The following SEC23B variants were observed in gnomAD, a reference collection of about 807,000 sequenced individuals.
The protein encoded by SEC23B is protein transport protein Sec23B.
A neutral mutation model predicts 104.3 loss-of-function variants in SEC23B; 77 were observed. That is an observed-to-expected ratio of 0.74 (90% CI 0.61 to 0.89). The LOEUF (loss-of-function observed/expected upper bound fraction) is 0.89, where lower values mean the gene tolerates loss of function less well. SEC23B is among the 40% of genes least tolerant of loss of function. The probability of loss-of-function intolerance (pLI) is 0.00; values close to 1 mark genes in which losing one functional copy is unlikely to be tolerated. For missense variants in SEC23B, 885 were observed against 949.4 expected, an observed-to-expected ratio of 0.93 and a Z score of 0.89; for synonymous variants, 338 against 332.5, an observed-to-expected ratio of 1.02 and a Z score of -0.18.
At position 18,525,024 on chromosome 20, in the gene SEC23B, A is replaced by G; in HGVS notation, c.689+4A>G. 6.2e-7 allele frequency: 1 copy of G among 1,613,864 alleles called. No individual in the cohort carries two copies. Among genetic ancestry groups the G allele is most frequent in the South Asian group, 1.1e-5 (1 of 91,080 alleles). On this transcript the variant is annotated splice_donor_region_variant and intron_variant, in intron 6 of 19. Transcript: ENST00000650089. ...AGCACCCTTTTGCTTCAAGCAGGTG[A>G]GAGCCCAACATGGAGTGTTACACGT...
rs2060017864 is a variant in SEC23B, at chr20:18,515,638, CCTT to C, written c.280-8_280-6del. 6.5e-7 allele frequency: 1 copy of C among 1,544,870 alleles called. No individual in the cohort carries two copies. ...TATGCCAACCCTAATAAAACTGTTT[CCTT>C]CTTTTCAGTTTCCTCCAGCTTATGG... On this transcript the variant is annotated splice_polypyrimidine_tract_variant and intron_variant, in intron 3 of 19. Transcript: ENST00000650089.
intron 4 of SEC23B, among the ~76,000 whole-genome samples, chr20:18,519,061 A>C (rs939318685): frequency 6.6e-6 from 1 of 152,200 alleles, no homozygotes; most frequent in Non-Finnish European, 1.5e-5. Context: ...GGTAGCCTCA[A>C]TGATAGATGT....
chr20:18,538,449 T>C (rs2060257160), intron 12 of SEC23B, among the ~76,000 whole-genome samples: 1 of 151,846 alleles, frequency 6.6e-6, no homozygotes, highest in East Asian at 1.9e-4. Flanking sequence ...GAGACGGGGT[T>C]TCACCCTGTT....
At chr20:18,527,746 C>G in intron 9 of SEC23B, 135 bp downstream of exon 9, 2 of 762,410 alleles carry the variant, frequency 2.6e-6, no homozygotes, top group South Asian at 2.7e-5. Flanking sequence ...GTTTCAGTGA[C>G]TGGGGAGGGC....
chr20:18,513,721 T>C (rs2060001071), intron 3 of SEC23B, among the ~76,000 whole-genome samples: 1 of 152,230 alleles, frequency 6.6e-6, no homozygotes, highest in African/African-American at 2.4e-5. Flanking sequence ...GATTCAGAAG[T>C]ATATAGAAAT....
intron 2 of SEC23B, among the ~76,000 whole-genome samples, chr20:18,511,422 G>A (rs1293007109): frequency 6.6e-6 from 1 of 152,038 alleles, no homozygotes; most frequent in East Asian, 1.9e-4. Context: ...GTCTTCTCAT[G>A]CTTCCCGGGT....
At chr20:18,538,900 TC>T (rs2060261040) in intron 12 of SEC23B, among the ~76,000 whole-genome samples, 1 of 152,060 alleles carries the variant, frequency 6.6e-6, no homozygotes, top group South Asian at 2.1e-4. Context: ...ATCCGCTTCT[TC>T]ATCTTTTTAA....
rs1035499828 is a variant in SEC23B, at chr20:18,546,045, A to G, written c.1743+12A>G. The G allele has an allele frequency of 2.2e-6, 3 of 1,350,786 alleles. No individual in the cohort carries two copies. The highest frequency in any genetic ancestry group is 1.7e-5 in the Admixed American group (1 of 59,622). The allele number at this position is 1,350,786 out of a possible 1,614,324, so 83.7% of individuals were successfully genotyped here. A position where few individuals can be genotyped will look rare whatever the true frequency, so the allele number is the denominator to read the frequency against. On this transcript the variant is annotated intron_variant, in intron 15 of 19. Coordinates refer to ENST00000650089, the MANE Select transcript of SEC23B (RefSeq NM_006363.6). ...CTCTATATCCTCAGGTAAGTAATGT[A>G]TGTTTCTAAAATAACTACAGAGCAA...
rs1405641474 is a variant in SEC23B, at chr20:18,554,396, T to C, written c.2148+6T>C. The C allele has an allele frequency of 2.5e-6, 4 of 1,614,138 alleles. No individual in the cohort carries two copies. The highest frequency in any genetic ancestry group is 1.6e-4 in the Middle Eastern group (1 of 6,062). On this transcript the variant is annotated splice_donor_region_variant and intron_variant, in intron 18 of 19. Transcript: ENST00000650089. ...CGGAGCATGGAGGCAGTCAGGTGAG[T>C]GAGCTGAGTTCTAACTCCAGTGGTT...
chr20:18,519,406 T>A (rs182062079), intron 4 of SEC23B, among the ~76,000 whole-genome samples: 2 of 152,282 alleles, frequency 1.3e-5, no homozygotes, highest in African/African-American at 4.8e-5. Flanking sequence ...ATGAGAACTG[T>A]AGAGAGTGAG....
intron 17 of SEC23B, 29 bp downstream of exon 17, chr20:18,551,204 T>G: frequency 1.6e-6 from 2 of 1,268,624 alleles, no homozygotes; most frequent in South Asian, 1.2e-5. Flanking sequence ...TTAATTAATT[T>G]CTTTTTGTTT....
At chr20:18,530,912 G>T (rs929489862) in intron 10 of SEC23B, 109 bp downstream of exon 10, 2 of 825,418 alleles carry the variant, frequency 2.4e-6, no homozygotes, top group African/African-American at 3.4e-5. Context: ...AAAGTGCTGG[G>T]ATTATGAGGC....
intron 4 of SEC23B, among the ~76,000 whole-genome samples, chr20:18,518,593 T>G (rs1233233342): frequency 1.5e-5 from 2 of 137,530 alleles, no homozygotes; most frequent in African/African-American, 2.6e-5. Flanking sequence ...TTTTTTTTTT[T>G]TTTTTTTTTT....
At chr20:18,519,637 TG>T (rs2060065087) in intron 4 of SEC23B, among the ~76,000 whole-genome samples, 1 of 152,060 alleles carries the variant, frequency 6.6e-6, no homozygotes, top group Non-Finnish European at 1.5e-5. Context: ...GAGACTAGTG[TG>T]GGGGCAGTCT....
chr20:18,515,995 C>T, intron 4 of SEC23B: 1 of 452,702 alleles, frequency 2.2e-6, no homozygotes, highest in Non-Finnish European at 4.1e-6. Context: ...TGATGGTACT[C>T]CATCATCTAG....
intron 11 of SEC23B, among the ~76,000 whole-genome samples, chr20:18,534,873 G>T (rs2060213879): frequency 6.6e-6 from 1 of 152,168 alleles, no homozygotes; most frequent in Non-Finnish European, 1.5e-5. Context: ...TTAGAATGGG[G>T]TTAGCAAGGC....
Position 18,520,045 on chromosome 20 carries a change from G to A in SEC23B, c.366+4309G>A, listed in dbSNP as rs2060068712. On this transcript the variant is annotated intron_variant, in intron 4 of 19. Coordinates refer to ENST00000650089, the MANE Select transcript of SEC23B (RefSeq NM_006363.6). ...GTCCAAGTGAAAGCAAAGAGAGGCT[G>A]GGATGAAGGGTGCAAAGGAATAGTA... is the stretch of plus-strand genomic sequence containing the variant. Among the ~76,000 whole-genome samples the A allele has an allele frequency of 2.6e-5, 4 of 152,186 alleles. No individual in the cohort carries two copies. In the South Asian group the frequency reaches 8.3e-4, roughly 31 times the overall value.
At chr20:18,550,698 A>AC (rs1352789423) in intron 16 of SEC23B, among the ~76,000 whole-genome samples, 1 of 152,022 alleles carries the variant, frequency 6.6e-6, no homozygotes, top group African/African-American at 2.4e-5. Flanking sequence ...GGTGGCATGC[A>AC]CCTGTAGCCT....
intron 12 of SEC23B, among the ~76,000 whole-genome samples, chr20:18,541,435 A>G (rs2060287128): frequency 6.6e-6 from 1 of 152,234 alleles, no homozygotes; most frequent in Non-Finnish European, 1.5e-5. Context: ...CTTTCAACAT[A>G]CCTTCCCTAC....
Sources: allele counts gnomAD v4.1 joint callset (sites outside exome capture counted in the v4.1 genomes callset), GRCh38; gene constraint gnomAD v4.1.1; transcripts MANE v1.5; gene names NCBI Gene and HGNC (gene_info 2026-07-23, HGNC 2026-07-21).